The following PRDM16 variants were observed in gnomAD, a reference collection of about 807,000 sequenced individuals.
PRDM16 encodes PR/SET domain 16, also known as histone-lysine N-methyltransferase PRDM16.
PRDM16 carries 23 observed loss-of-function variants against 110.6 expected under a neutral mutation model. That is an observed-to-expected ratio of 0.21 (90% CI 0.15 to 0.29). The LOEUF is 0.29. Ranked by LOEUF, PRDM16 falls within the 10% of genes least tolerant of loss-of-function variation. PRDM16 has a pLI of 1.00. For synonymous variants in PRDM16, 799 were observed against 781.8 expected (o/e 1.02, Z -0.37); for missense variants, 1,615 against 1,794.3 (o/e 0.90, Z 1.81).
rs1638797002 is a variant in PRDM16, at chr1:3,208,147, G to A, written c.387+21673G>A. On this transcript the variant is annotated intron_variant, in intron 2 of 16. Transcript: ENST00000270722. This position sits in a 1 kb window ranked among gnomAD's most constrained non-coding sequence, Gnocchi z 6.1. Reference sequence around the variant, plus strand: ...CATCCACATGGCAGCTCCGTCTACAGCCCGAGGGCCCCATAACCAGCCAGA... The same window carrying A: ...CATCCACATGGCAGCTCCGTCTACAACCCGAGGGCCCCATAACCAGCCAGA... 6.6e-6 allele frequency: 1 copy of A among 152,302 alleles called. No homozygotes were observed. Among genetic ancestry groups the A allele is most frequent in the Non-Finnish European group, 1.5e-5 (1 of 68,138 alleles). 9.4% of individuals were successfully genotyped at this position (152,302 alleles called of 1,614,324 possible).
chr1:3,389,930 T>G (rs1643269330), intron 4 of PRDM16, among the ~76,000 whole-genome samples: 1 of 148,960 alleles, frequency 6.7e-6, no homozygotes, highest in Non-Finnish European at 1.5e-5. Flanking sequence ...GGAATCTCCA[T>G]GCACTTTTCT....
In PRDM16 at chr1:3,339,970, T is replaced by C. The variant is rs1642239323; in HGVS notation, c.439-45182T>C. Among the ~76,000 whole-genome samples, 1 of 152,160 alleles carries C rather than the reference T, an allele frequency of 6.6e-6. No individual in the cohort carries two copies. The highest frequency in any genetic ancestry group is 6.5e-5 in the Admixed American group (1 of 15,274). On this transcript the variant is annotated intron_variant, in intron 3 of 16. Coordinates refer to ENST00000270722, the MANE Select transcript of PRDM16 (RefSeq NM_022114.4). This position sits in a 1 kb window ranked among gnomAD's most constrained non-coding sequence, Gnocchi z 5.0. ...GAACAGGTGTGCCATCCCCCGAGCG[T>C]GCCTCCTCCTCTCCCTGGGACCCGC...
rs1639714178 is a variant in PRDM16 at position 3,243,195 on chromosome 1, G to A, written c.388-892G>A. On this transcript the variant is annotated intron_variant, in intron 2 of 16. Transcript: ENST00000270722. This position sits in a 1 kb window ranked among gnomAD's most constrained non-coding sequence, Gnocchi z 5.5. ...GGTGGGAGCTCCTGTGTGGCCCACA[G>A]CCCGCTGCTGGGGGTCCTCAGTGGC... Among the ~76,000 whole-genome samples, 2 of 149,780 alleles carry A rather than the reference G, an allele frequency of 1.3e-5. No homozygotes were observed. The highest frequency in any genetic ancestry group is 2.6e-5 in the African/African-American group (1 of 39,148).
intron 2 of PRDM16, among the ~76,000 whole-genome samples, chr1:3,194,625 ACGCCACCG>A (rs1279830870): frequency 6.8e-6 from 1 of 147,232 alleles, no homozygotes; most frequent in African/African-American, 2.5e-5. Context: ...TCCCCACCAC[ACGCCACCG>A]TCTCCCCGCC....
At chr1:3,401,749 A>G (rs1408328682) in intron 5 of PRDM16, among the ~76,000 whole-genome samples, 1 of 152,276 alleles carries the variant, frequency 6.6e-6, no homozygotes, top group South Asian at 2.1e-4. Context: ...AAATGCACAC[A>G]CATGCAGACA....
At chr1:3,112,015 G>A (rs1266263337) in intron 1 of PRDM16, among the ~76,000 whole-genome samples, 1 of 152,220 alleles carries the variant, frequency 6.6e-6, no homozygotes, top group East Asian at 1.9e-4. Context: ...TGTCAGTGCG[G>A]ATAATTGGGG....
chr1:3,411,376 T>C lies in PRDM16; in HGVS notation c.1187-8T>C, dbSNP rs1183088688. The C allele has an allele frequency of 1.9e-6, 3 of 1,594,318 alleles. No individual in the cohort carries two copies. The highest frequency in any genetic ancestry group is 3.4e-5 in the Admixed American group (2 of 59,562). The stretch of plus-strand genomic sequence containing the variant: ...GCGGGTTTGTCTTGGCTTCTGCTGA[T>C]GTTTTAGGTGAGGTCTGCCACAAGT... On this transcript the variant is annotated splice_region_variant and splice_polypyrimidine_tract_variant and intron_variant, in intron 8 of 16. Coordinates refer to ENST00000270722, the MANE Select transcript of PRDM16 (RefSeq NM_022114.4).
intron 14 of PRDM16, among the ~76,000 whole-genome samples, chr1:3,430,454 C>T (rs540901407): frequency 6.6e-6 from 1 of 152,230 alleles, no homozygotes; most frequent in Non-Finnish European, 1.5e-5. Flanking sequence ...CCCACGTCCT[C>T]GAGTTGTCAG....
chr1:3,372,457 A>G (rs1375486906), intron 3 of PRDM16, among the ~76,000 whole-genome samples: 5 of 152,190 alleles, frequency 3.3e-5, no homozygotes, highest in Non-Finnish European at 7.3e-5. Flanking sequence ...TATGAATGTG[A>G]CACTTCCCAG....
chr1:3,379,141 TCCCAGCAC>T (rs1643050536), intron 3 of PRDM16, among the ~76,000 whole-genome samples: 1 of 13,780 alleles, frequency 7.3e-5, no homozygotes, highest in South Asian at 4.1e-3. Context: ...AACACACCCC[TCCCAGCAC>T]ACCCCTCCCA....
chr1:3,105,925 C>T (rs1642641251), intron 1 of PRDM16, among the ~76,000 whole-genome samples: 1 of 148,160 alleles, frequency 6.7e-6, no homozygotes, highest in Non-Finnish European at 1.5e-5. Context: ...TCTGCCACGG[C>T]CATCCTTAGT....
At chr1:3,354,727 G>A (rs880223) in intron 3 of PRDM16, among the ~76,000 whole-genome samples, 29,442 of 152,086 alleles carry the variant, frequency 0.19, 3,340 homozygotes, top group East Asian at 0.4. Flanking sequence ...CCAGCTCCAA[G>A]GCTACGACAG....
intron 3 of PRDM16, among the ~76,000 whole-genome samples, chr1:3,365,489 C>G (rs1012410464): frequency 6.6e-6 from 1 of 152,246 alleles, no homozygotes; most frequent in Non-Finnish European, 1.5e-5. Flanking sequence ...CAGGCCCACA[C>G]CCCAAAGCCC....
At chr1:3,375,466 C>T (rs1366713132) in intron 3 of PRDM16, among the ~76,000 whole-genome samples, 2 of 152,248 alleles carry the variant, frequency 1.3e-5, no homozygotes, top group Non-Finnish European at 2.9e-5. Context: ...CAGCCCATGG[C>T]TCACAAGCCA....
At chr1:3,085,034 T>G (rs1024550918) in intron 1 of PRDM16, among the ~76,000 whole-genome samples, 7 of 152,056 alleles carry the variant, frequency 4.6e-5, no homozygotes, top group South Asian at 2.1e-4. Flanking sequence ...CAGCCCCTTT[T>G]CCTGCACCCC....
chr1:3,357,682 C>T (rs1039154711), intron 3 of PRDM16, among the ~76,000 whole-genome samples: 4 of 152,348 alleles, frequency 2.6e-5, no homozygotes, highest in Middle Eastern at 3.4e-3. Flanking sequence ...CCCATGGCCG[C>T]GAGCGCCTCT....
At position 3,414,598 on chromosome 1, in the gene PRDM16, C is replaced by T. The variant is rs1321015846; in HGVS notation, c.2642C>T (p.Ala881Val). 1.2e-6 allele frequency: 2 copies of T among 1,613,512 alleles called. No homozygotes were observed. Among genetic ancestry groups the T allele is most frequent in the Admixed American group, 1.7e-5 (1 of 59,992 alleles). Residue 881 changes from alanine (A) to valine (V), a missense_variant, in exon 10 of 17, where the codon GCC becomes GTC. Physicochemically the swap from Ala to Val is moderately conservative, Grantham distance 64 (BLOSUM62 0). Coordinates refer to ENST00000270722, the MANE Select transcript of PRDM16 (RefSeq NM_022114.4). ...CGGAAGGTCACAGACCCCGTGGGAGCCCTGAAGGAGAAGTACCTGCGGCCG... is the reference window on the plus strand; with the variant it reads ...CGGAAGGTCACAGACCCCGTGGGAGTCCTGAAGGAGAAGTACCTGCGGCCG... The part of the protein sequence containing the change: ...EKRKVTDPVG[A>V]LKEKYLRPSP...
At position 3,243,481 on chromosome 1, in the gene PRDM16, T is replaced by G. The variant is rs1223828560; in HGVS notation, c.388-606T>G. Among the ~76,000 whole-genome samples the G allele has an allele frequency of 6.6e-6, 1 of 151,756 alleles. No individual in the cohort carries two copies. Among genetic ancestry groups the G allele is most frequent in the Non-Finnish European group, 1.5e-5 (1 of 67,984 alleles). Reference sequence around the variant, plus strand: ...GCGTTGGCCGACCTCTGCCCCTGCCTCTGGCCGCCCGCCGCTGTCTCCTGG... The same window carrying G: ...GCGTTGGCCGACCTCTGCCCCTGCCGCTGGCCGCCCGCCGCTGTCTCCTGG... On this transcript the variant is annotated intron_variant, in intron 2 of 16. Transcript: ENST00000270722. The surrounding 1 kb of genome is among the most constrained non-coding windows in gnomAD (Gnocchi z 5.5).
intron 1 of PRDM16, among the ~76,000 whole-genome samples, chr1:3,139,165 C>CGGTTG (rs149419016): frequency 0.083 from 12,672 of 152,104 alleles, 1,265 homozygotes; most frequent in African/African-American, 0.23. Context: ...TCAGAGCGGA[C>CGGTTG]GGTTGCTTCA....
Sources: gnomAD v4.1 joint callset for allele counts (sites outside exome capture counted in the v4.1 genomes callset) on GRCh38, gnomAD v4.1.1 for gene constraint, Gnocchi (gnomAD v3.1) non-coding constraint, MANE v1.5 for transcripts, NCBI Gene and HGNC (gene_info 2026-07-23, HGNC 2026-07-21) for gene names.